The following CTNNA3 variants were observed in gnomAD, a reference collection of about 807,000 sequenced individuals.
The protein encoded by CTNNA3 is catenin alpha 3.
CTNNA3 carries 76 observed loss-of-function variants against 95.7 expected under a neutral mutation model. That is an observed-to-expected ratio of 0.79 (90% CI 0.66 to 0.96). The LOEUF is 0.96. Among genes scored for constraint, CTNNA3 ranks in the 40% least tolerant of loss-of-function variants. The probability of loss-of-function intolerance (pLI) is 0.00; values close to 1 mark genes in which losing one functional copy is unlikely to be tolerated. For missense variants in CTNNA3, 1,191 were observed against 1,089.8 expected, an observed-to-expected ratio of 1.09 and a Z score of -1.31; for synonymous variants, 431 against 374.4, an observed-to-expected ratio of 1.15 and a Z score of -1.74.
At chr10:66,163,990 CA>C (rs1589605878) in intron 13 of CTNNA3, among the ~76,000 whole-genome samples, 2 of 152,040 alleles carry the variant, frequency 1.3e-5, no homozygotes, top group Admixed American at 1.3e-4. Context: ...GTAATGAAAA[CA>C]ATTAAAAGCA....
chr10:66,195,510 T>C (rs2086906669), intron 13 of CTNNA3, among the ~76,000 whole-genome samples: 1 of 152,164 alleles, frequency 6.6e-6, no homozygotes, highest in Non-Finnish European at 1.5e-5. Flanking sequence ...ACATACATAA[T>C]AGCCCTGTCT....
rs201421160 is a variant in CTNNA3 at position 67,740,434 on chromosome 10, C to T, written c.-2+23000G>A. Among the ~76,000 whole-genome samples, 79 of 151,038 alleles carry T rather than the reference C, an allele frequency of 5.2e-4. 3 individuals carry two copies. Among genetic ancestry groups the T allele is most frequent in the Admixed American group, 4.8e-3 (72 of 15,086 alleles). Reference sequence around the variant, plus strand: ...TCTGACAAAGGGCTAATATCCAGAACCTACAATGAACTCGAACAAATGTAC... The same window carrying T: ...TCTGACAAAGGGCTAATATCCAGAATCTACAATGAACTCGAACAAATGTAC... On this transcript the variant is annotated intron_variant, in intron 1 of 17. Transcript: ENST00000684154.
At chr10:66,444,691 C>G (rs1240967944) in intron 11 of CTNNA3, among the ~76,000 whole-genome samples, 4 of 152,058 alleles carry the variant, frequency 2.6e-5, no homozygotes, top group Admixed American at 6.6e-5. Flanking sequence ...ACATGGAAAG[C>G]AACAACCGGT....
At chr10:67,700,540 C>G (rs554132139), upstream of CTNNA3, among the ~76,000 whole-genome samples, 20 of 152,310 alleles carry the variant, frequency 1.3e-4, no homozygotes, top group Non-Finnish European at 1.6e-4. Context: ...CTCTAGCAAA[C>G]TCCAACAGAC....
At chr10:67,054,955 C>G (rs1156737404) in intron 7 of CTNNA3, 2 of 152,038 alleles carry the variant, frequency 1.3e-5, no homozygotes, top group Non-Finnish European at 2.9e-5. Context: ...TGCCAACCCC[C>G]TTAGTTTATA....
At chr10:67,646,733 G>A (rs1283625615) in intron 2 of CTNNA3, among the ~76,000 whole-genome samples, 2 of 151,970 alleles carry the variant, frequency 1.3e-5, no homozygotes, top group Admixed American at 1.3e-4. Context: ...ATGTAAGGCA[G>A]GCCTAAAGGG....
At chr10:67,001,411 C>A (rs1851684359) in intron 7 of CTNNA3, among the ~76,000 whole-genome samples, 1 of 151,266 alleles carries the variant, frequency 6.6e-6, no homozygotes, top group Admixed American at 6.6e-5. Context: ...TGGAAATTTA[C>A]CTAAAACCAA....
In CTNNA3 at chr10:67,674,534, G is replaced by T. The variant is rs148362568; in HGVS notation, c.-6+21466C>A. On this transcript the variant is annotated intron_variant, in intron 1 of 17. Transcript: ENST00000433211. ...CAGTTTCAATAAGTATTGTCAAATT[G>T]GTCTCCAAAAAACACCACCAGCAGA... Among the ~76,000 whole-genome samples, 91 of 152,156 alleles carry T rather than the reference G, an allele frequency of 6.0e-4. 2 individuals are homozygous for T. The highest frequency in any genetic ancestry group is 2.1e-3 in the African/African-American group (86 of 41,510).
chr10:66,422,688 GA>G (rs1299925631), intron 11 of CTNNA3, among the ~76,000 whole-genome samples: 1 of 151,956 alleles, frequency 6.6e-6, no homozygotes, highest in South Asian at 2.1e-4. Context: ...ATATCGCTTT[GA>G]TTTTTTCCAT....
At chr10:67,260,547 T>C (rs1194580518) in intron 5 of CTNNA3, among the ~76,000 whole-genome samples, 3 of 152,346 alleles carry the variant, frequency 2.0e-5, no homozygotes, top group Non-Finnish European at 2.9e-5. Flanking sequence ...TAGAAATTCA[T>C]TCTTCTATAG....
At chr10:66,296,161 T>C (rs1439331696) in intron 12 of CTNNA3, among the ~76,000 whole-genome samples, 1 of 152,150 alleles carries the variant, frequency 6.6e-6, no homozygotes, top group Non-Finnish European at 1.5e-5. Context: ...TGAGAGTATA[T>C]TTGGTTTATG....
chr10:67,185,810 A>G (rs1862814257), intron 6 of CTNNA3, among the ~76,000 whole-genome samples: 1 of 152,102 alleles, frequency 6.6e-6, no homozygotes, highest in Non-Finnish European at 1.5e-5. Flanking sequence ...TCACAAGGTT[A>G]GGAGTTCAAG....
intron 5 of CTNNA3, among the ~76,000 whole-genome samples, chr10:67,232,058 G>A (rs1385087135): frequency 6.6e-6 from 1 of 152,062 alleles, no homozygotes; most frequent in Non-Finnish European, 1.5e-5. Context: ...AAGTGACGGG[G>A]AGAATGGAAC....
intron 17 of CTNNA3, among the ~76,000 whole-genome samples, chr10:65,944,831 T>C (rs572736892): frequency 1.3e-5 from 2 of 151,596 alleles, no homozygotes; most frequent in South Asian, 4.2e-4. Context: ...CAAAGAAGTA[T>C]AGTAACAAAC....
chr10:66,143,423 A>G (rs1001303774), intron 13 of CTNNA3, among the ~76,000 whole-genome samples: 3 of 152,154 alleles, frequency 2.0e-5, no homozygotes, highest in African/African-American at 7.2e-5. Flanking sequence ...AACTTATGGC[A>G]CTGATAAAGT....
At chr10:66,467,629 C>T (rs373829366) in intron 11 of CTNNA3, among the ~76,000 whole-genome samples, 1 of 151,990 alleles carries the variant, frequency 6.6e-6, no homozygotes, top group African/African-American at 2.4e-5. Flanking sequence ...CCTCTGAAAA[C>T]TTTTGTTGTG....
At chr10:66,028,488 C>T (rs1286431685) in intron 15 of CTNNA3, among the ~76,000 whole-genome samples, 4 of 151,716 alleles carry the variant, frequency 2.6e-5, no homozygotes, top group East Asian at 1.9e-4. Flanking sequence ...AGCAAACTAT[C>T]GCAAGGACAA....
intron 7 of CTNNA3, among the ~76,000 whole-genome samples, chr10:66,952,987 C>T (rs895674510): frequency 5.3e-5 from 8 of 151,898 alleles, no homozygotes; most frequent in Non-Finnish European, 1.2e-4. Flanking sequence ...TTTTCAAAAA[C>T]CTGGAGCTAT....
chr10:66,749,009 CAA>C (rs61130950), intron 9 of CTNNA3, among the ~76,000 whole-genome samples: 4 of 138,230 alleles, frequency 2.9e-5, no homozygotes, highest in Admixed American at 7.3e-5. Context: ...CCATCTCTTC[CAA>C]AAAAAAAAAA....
Sources: allele counts gnomAD v4.1 joint callset (sites outside exome capture counted in the v4.1 genomes callset), GRCh38; gene constraint gnomAD v4.1.1; transcripts MANE v1.5; gene names NCBI Gene and HGNC (gene_info 2026-07-23, HGNC 2026-07-21).